Variants in TIMP4 observed in about 807,000 individuals in gnomAD.
TIMP4 encodes TIMP metallopeptidase inhibitor 4.
Under a neutral mutation model 27.3 loss-of-function variants are expected in TIMP4, and 28 were observed. The ratio of observed to expected loss-of-function variants is 1.03; its 90% CI spans 0.76 to 1.41. The LOEUF (loss-of-function observed/expected upper bound fraction) is 1.41, where lower values mean the gene tolerates loss of function less well. TIMP4 is among the 40% of genes most tolerant of loss of function. The probability of loss-of-function intolerance (pLI) is 0.00; values close to 1 mark genes in which losing one functional copy is unlikely to be tolerated. For synonymous variants in TIMP4, 138 were observed against 115.5 expected (o/e 1.20, Z -1.25); for missense variants, 307 against 285.5 (o/e 1.08, Z -0.54).
intron 1 of TIMP4, among the ~76,000 whole-genome samples, chr3:12,158,145 C>T (rs1574869124): frequency 6.6e-6 from 1 of 152,250 alleles, no homozygotes; most frequent in African/African-American, 2.4e-5. Flanking sequence ...GATGCTGAGG[C>T]GGCACCAAGG....
chr3:12,154,649 C>G (rs996328972), intron 3 of TIMP4, among the ~76,000 whole-genome samples, 198 bp from the exon 4 acceptor site: 1 of 152,170 alleles, frequency 6.6e-6, no homozygotes, highest in African/African-American at 2.4e-5. Context: ...TATGTTTGTA[C>G]GAGGCAGAGT....
chr3:12,154,204 A>T, intron 4 of TIMP4, 123 bp downstream of exon 4: 1 of 1,432,204 alleles, frequency 7.0e-7, no homozygotes, highest in Non-Finnish European at 9.5e-7. Context: ...TTGCTTTCTC[A>T]TCCCCAACTT....
chr3:12,158,733 G>T lies in TIMP4; in HGVS notation c.108C>A (p.His36Gln). Residue 36 changes from histidine (H) to glutamine (Q), a missense_variant, in exon 1 of 5, where the codon CAC (histidine) becomes CAA (glutamine). His to Gln is a conservative substitution (Grantham distance 24, BLOSUM62 0). Coordinates refer to ENST00000287814, the MANE Select transcript of TIMP4 (RefSeq NM_003256.4). ...CCGAGTGGCAGATGTGCTGCTGAGG[G>T]TGCGCCGGGGCGCAGCTGCATGCCT... is the stretch of plus-strand genomic sequence containing the variant. ...LGEACSCAPA[H>Q]PQQHICHSAL... 6.2e-7 allele frequency: 1 copy of T among 1,609,728 alleles called. No individual in the cohort carries two copies. Among genetic ancestry groups the T allele is most frequent in the Non-Finnish European group, 8.5e-7 (1 of 1,179,722 alleles).
chr3:12,153,398 G>A lies in TIMP4; in HGVS notation c.*117C>T. ...TGACAGTGGCCAGACTGTCCACTTG[G>A]CACTTCTTATTAGCTGGCAGCAAGA... On this transcript the variant is annotated 3_prime_UTR_variant, in exon 5 of 5. Transcript: ENST00000287814. 8.3e-7 allele frequency: 1 copy of A among 1,208,610 alleles called. No homozygotes were observed. The highest frequency in any genetic ancestry group is 1.2e-6 in the Non-Finnish European group (1 of 823,180). 74.9% of individuals were successfully genotyped at this position (1,208,610 alleles called of 1,614,324 possible).
chr3:12,158,446 T>C (rs1416085792), intron 1 of TIMP4, among the ~76,000 whole-genome samples: 1 of 152,188 alleles, frequency 6.6e-6, no homozygotes, highest in Non-Finnish European at 1.5e-5. Flanking sequence ...CACTCCATAA[T>C]TGCAGTATGG....
chr3:12,154,134 G>T (rs1003381145), intron 4 of TIMP4, among the ~76,000 whole-genome samples, 193 bp downstream of exon 4: 1 of 152,198 alleles, frequency 6.6e-6, no homozygotes, highest in Non-Finnish European at 1.5e-5. Flanking sequence ...TCTGCCTCCT[G>T]TGATGGCCAC....
chr3:12,153,533 A>G lies in TIMP4; in HGVS notation c.657T>C (p.Val219=). The G allele has an allele frequency of 6.2e-7, 1 of 1,613,720 alleles. No homozygotes were observed. The change falls in exon 5 of 5, where the codon GTT becomes GTC. Residue 219 remains valine, a synonymous_variant. Transcript: ENST00000287814. ...GTCCCTACTAGGGCTGAACGATGTC[A>G]ACAAACTCCTTCCTGAGAGGCAGGT... ...RGHLPLRKEF[V]DIVQP
intron 4 of TIMP4, 28 bp from the exon 5 acceptor site, chr3:12,153,740 G>T: frequency 3.7e-6 from 6 of 1,610,894 alleles, no homozygotes; most frequent in Non-Finnish European, 5.1e-6. Flanking sequence ...CAACATTAAA[G>T]TGAGTAGGGT....
chr3:12,156,641 A>T (rs1697465073), intron 3 of TIMP4, among the ~76,000 whole-genome samples, 179 bp downstream of exon 3: 1 of 152,208 alleles, frequency 6.6e-6, no homozygotes, highest in Admixed American at 6.5e-5. Context: ...ATTTAAAGGG[A>T]GGTTACAAGG....
chr3:12,158,606 TC>T, intron 1 of TIMP4, 95 bp downstream of exon 1: 1 of 1,524,950 alleles, frequency 6.6e-7, no homozygotes, highest in Non-Finnish European at 8.8e-7. Context: ...GAATTTGAGC[TC>T]CTCCCTTTTC....
chr3:12,158,320 T>C lies in TIMP4; in HGVS notation c.139+382A>G, dbSNP rs141410075. 7.9e-5 allele frequency among the ~76,000 whole-genome samples: 12 copies of C among 152,306 alleles called. No homozygotes were observed. The East Asian group carries it at 2.3e-3, about 29-fold the overall frequency. On this transcript the variant is annotated intron_variant, in intron 1 of 4. Transcript: ENST00000287814. ...AGGGGCTTGGTGGCAACCTCAGTTA[T>C]AGGCCTGGACAGACACGGGTAGTTA...
chr3:12,158,081 G>A (rs1697510355), intron 1 of TIMP4, among the ~76,000 whole-genome samples: 1 of 152,144 alleles, frequency 6.6e-6, no homozygotes, highest in Non-Finnish European at 1.5e-5. Context: ...CTAGTGGAGT[G>A]CACACGTGTA....
Position 12,158,910 on chromosome 3 carries a change from A to G in TIMP4, c.-70T>C. The G allele has an allele frequency of 2.8e-6, 4 of 1,442,454 alleles. No individual in the cohort carries two copies. The South Asian group carries it at 4.2e-5, about 15-fold the overall frequency. 89.4% of individuals were successfully genotyped at this position (1,442,454 alleles called of 1,614,324 possible). A position where few individuals can be genotyped will look rare whatever the true frequency, so the allele number is the denominator to read the frequency against. On this transcript the variant is annotated 5_prime_UTR_variant, in exon 1 of 5. Coordinates refer to ENST00000287814, the MANE Select transcript of TIMP4 (RefSeq NM_003256.4). The stretch of plus-strand genomic sequence containing the variant: ...GACGGCCCCAGCAGGGCTCCTTCCC[A>G]AGGCCGTTGTGCCCCTCGCCCCAGG...
In TIMP4 at chr3:12,158,835, A is replaced by C. The variant is rs1384011174; in HGVS notation, c.6T>G (p.Pro2=). The C allele has an allele frequency of 6.3e-7, 1 of 1,585,346 alleles. No homozygotes were observed. The highest frequency in any genetic ancestry group is 2.3e-5 in the East Asian group (1 of 44,368). M[P]GSPRPAPSWV... ...AGCTTGGCGCGGGCCGAGGGCTCCCAGGCATGACACTGCAGATCCGCGACT... is the reference window on the plus strand; with the variant it reads ...AGCTTGGCGCGGGCCGAGGGCTCCCCGGCATGACACTGCAGATCCGCGACT... The change falls in exon 1 of 5, where the codon CCT becomes CCG. Residue 2 remains proline (P), a synonymous_variant. Coordinates refer to ENST00000287814, the MANE Select transcript of TIMP4 (RefSeq NM_003256.4).
rs549809998 is a variant in TIMP4 at position 12,153,231 on chromosome 3, G to T, written c.*284C>A. On this transcript the variant is annotated 3_prime_UTR_variant, in exon 5 of 5. Transcript: ENST00000287814. ...AAAACACATATTCCTGGGGAGGAAA[G>T]GGAATAGTCCTGGCTTTAGAAAACA... is the stretch of plus-strand genomic sequence containing the variant. 1 of 503,986 alleles carries T rather than the reference G, an allele frequency of 2.0e-6. No homozygotes were observed. The highest frequency in any genetic ancestry group is 1.9e-5 in the African/African-American group (1 of 52,124). 31.2% of individuals were successfully genotyped at this position (503,986 alleles called of 1,614,324 possible).
chr3:12,153,679 A>G lies in TIMP4; in HGVS notation c.511T>C (p.Ser171Pro). ...TTCYTVPCTI[S>P]APNECLWTDW... ...GTCCAGAGGCACTCGTTAGGGGCCG[A>G]GATGGTACAGGGTACTGTGTAGCAG... Residue 171 changes from serine (S) to proline (P), a missense_variant, in exon 5 of 5, where the codon TCG becomes CCG. By Grantham distance (74) the Ser-to-Pro change is moderately conservative (BLOSUM62 -1). Coordinates refer to ENST00000287814, the MANE Select transcript of TIMP4 (RefSeq NM_003256.4). 1.2e-6 allele frequency: 2 copies of G among 1,614,210 alleles called. No individual in the cohort carries two copies. Among genetic ancestry groups the G allele is most frequent in the Non-Finnish European group, 1.7e-6 (2 of 1,180,040 alleles).
intron 3 of TIMP4, among the ~76,000 whole-genome samples, chr3:12,156,574 A>T (rs553207993): frequency 6.6e-6 from 1 of 152,358 alleles, no homozygotes. Context: ...CTGGGTGAGC[A>T]GCCTGTCCTT....
Position 12,158,723 on chromosome 3 carries a change from G to A in TIMP4, c.118C>T (p.His40Tyr). Residue 40 changes from histidine (H) to tyrosine (Y), a missense_variant, in exon 1 of 5, where the codon CAC (histidine) becomes TAC (tyrosine). Transcript: ENST00000287814. ...TCACCAAGTGCCGAGTGGCAGATGT[G>A]CTGCTGAGGGTGCGCCGGGGCGCAG... ...CSCAPAHPQQ[H>Y]ICHSALVIRA... 6.2e-7 allele frequency: 1 copy of A among 1,610,090 alleles called. No homozygotes were observed. Among genetic ancestry groups the A allele is most frequent in the Non-Finnish European group, 8.5e-7 (1 of 1,179,736 alleles).
rs139407450 is a variant in TIMP4, at chr3:12,153,637, G to A, written c.553C>T (p.Arg185Ter). The change falls in exon 5 of 5, where the codon CGA (arginine) becomes TGA (stop). Residue 185 changes from arginine to a stop codon, truncating the protein, a stop_gained. Transcript: ENST00000287814. LOFTEE classifies it high-confidence loss of function. ...ECLWTDWLLE[R>*]KLYGYQAQHY... ...TGAGCCTGGTAACCATAGAGCTTTC[G>A]TTCCAACAGCCAGTCTGTCCAGAGG... 4.0e-5 allele frequency: 65 copies of A among 1,614,182 alleles called. No individual in the cohort carries two copies. The highest frequency in any genetic ancestry group is 5.2e-5 in the Non-Finnish European group (61 of 1,180,022).
Sources: gnomAD v4.1 joint callset for allele counts (sites outside exome capture counted in the v4.1 genomes callset) on GRCh38, gnomAD v4.1.1 for gene constraint, MANE v1.5 for transcripts, NCBI Gene and HGNC (gene_info 2026-07-23, HGNC 2026-07-21) for gene names.